The following OSTC variants were observed in gnomAD, a reference collection of about 807,000 sequenced individuals.
OSTC encodes the protein oligosaccharyltransferase complex non-catalytic subunit.
Under a neutral mutation model 16.4 loss-of-function variants are expected in OSTC, and 16 were observed. The observed-to-expected ratio is 0.98, with a 90% CI of 0.66 to 1.49. The LOEUF (loss-of-function observed/expected upper bound fraction) is 1.49, where lower values mean the gene tolerates loss of function less well. Ranked by LOEUF, OSTC falls within the 40% of genes most tolerant of loss-of-function variation. The probability of loss-of-function intolerance (pLI) is 0.00; values close to 1 mark genes in which losing one functional copy is unlikely to be tolerated. For synonymous variants in OSTC, 67 were observed against 68.5 expected (o/e 0.98, Z 0.11); for missense variants, 139 against 186.3 (o/e 0.75, Z 1.48).
At chr4:108,664,622 T>A (rs555598982) in intron 3 of OSTC, among the ~76,000 whole-genome samples, 26 of 151,112 alleles carry the variant, frequency 1.7e-4, no homozygotes, top group African/African-American at 6.3e-4. Flanking sequence ...GGGGACGGAG[T>A]CTGGCTCTGT....
In OSTC at chr4:108,667,701, A is replaced by G. The variant is rs766035213; in HGVS notation, c.*436A>G. The G allele has an allele frequency of 6.4e-6, 1 of 155,294 alleles. No homozygotes were observed. The highest frequency in any genetic ancestry group is 2.4e-5 in the African/African-American group (1 of 41,566). The allele number at this position is 155,294 out of a possible 1,614,324, so 9.6% of individuals were successfully genotyped here. On this transcript the variant is annotated 3_prime_UTR_variant, in exon 4 of 4. Transcript: ENST00000361564. ...TCTGGACAGTTGATCAGCTTTACCTATGGTGCTTTGCCTTTAACTAGAGTG... is the reference window on the plus strand; with the variant it reads ...TCTGGACAGTTGATCAGCTTTACCTGTGGTGCTTTGCCTTTAACTAGAGTG...
At chr4:108,665,287 A>AG (rs1465399310) in intron 3 of OSTC, among the ~76,000 whole-genome samples, 1 of 152,222 alleles carries the variant, frequency 6.6e-6, no homozygotes. Flanking sequence ...TTACTATATG[A>AG]GTAGATTCTC....
chr4:108,656,808 A>T (rs113334916), intron 2 of OSTC, among the ~76,000 whole-genome samples: 20 of 152,234 alleles, frequency 1.3e-4, no homozygotes, highest in Non-Finnish European at 2.4e-4. Flanking sequence ...TTTTAAAAAA[A>T]GCTAACCTAG....
At chr4:108,654,328 G>C (rs1033380643) in intron 1 of OSTC, among the ~76,000 whole-genome samples, 4 of 152,194 alleles carry the variant, frequency 2.6e-5, no homozygotes, top group Admixed American at 6.5e-5. Flanking sequence ...AGAAAGCAAA[G>C]ATAGAAATAG....
chr4:108,653,798 A>G (rs543312677), intron 1 of OSTC, among the ~76,000 whole-genome samples: 79 of 152,208 alleles, frequency 5.2e-4, no homozygotes, highest in Non-Finnish European at 4.4e-4. Flanking sequence ...CTCCCATGAG[A>G]CATTGAAGAG....
intron 3 of OSTC, among the ~76,000 whole-genome samples, chr4:108,660,046 A>G (rs1367527811): frequency 1.3e-5 from 2 of 152,194 alleles, no homozygotes; most frequent in East Asian, 3.9e-4. Flanking sequence ...AAAAGCTTTG[A>G]CAAGTGTTTA....
In OSTC at chr4:108,657,667, A is replaced by G. The variant is rs1438664757; in HGVS notation, c.431+20A>G. ...ACTGCCGTAAGTTATTTGTGTAATC[A>G]GCACCTTATGTTGCAAATTGGTAAA... On this transcript the variant is annotated intron_variant, in intron 3 of 3. Coordinates refer to ENST00000361564, the MANE Select transcript of OSTC (RefSeq NM_021227.4). 2 of 1,583,478 alleles carry G rather than the reference A, an allele frequency of 1.3e-6. No individual in the cohort carries two copies. Among genetic ancestry groups the G allele is most frequent in the Admixed American group, 1.7e-5 (1 of 59,242 alleles).
chr4:108,667,407 C>A lies in OSTC; in HGVS notation c.*142C>A. On this transcript the variant is annotated 3_prime_UTR_variant, in exon 4 of 4. Coordinates refer to ENST00000361564, the MANE Select transcript of OSTC (RefSeq NM_021227.4). ...AAATATCTAGTGAAAAAACAGGAAGCGTATTGAAGCTTGGACTAGAATTTC... is the reference window on the plus strand; with the variant it reads ...AAATATCTAGTGAAAAAACAGGAAGAGTATTGAAGCTTGGACTAGAATTTC... 8.2e-6 allele frequency: 5 copies of A among 606,648 alleles called. No individual in the cohort carries two copies. Among genetic ancestry groups the A allele is most frequent in the South Asian group, 3.5e-5 (1 of 28,984 alleles). The allele number at this position is 606,648 out of a possible 1,614,324, so 37.6% of individuals were successfully genotyped here. A position where few individuals can be genotyped will look rare whatever the true frequency, so the allele number is the denominator to read the frequency against.
intron 1 of OSTC, among the ~76,000 whole-genome samples, chr4:108,653,287 G>A (rs900502757): frequency 6.6e-6 from 1 of 152,168 alleles, no homozygotes. Context: ...AGAACAAGAG[G>A]TTTTTGAGAA....
At position 108,667,132 on chromosome 4, in the gene OSTC, G is replaced by A. The variant is rs1431215614; in HGVS notation, c.432-115G>A. ...TAAAGAATCACGCAATTATATTTTT[G>A]GATTGTTATTTGATATATCATAAAA... On this transcript the variant is annotated intron_variant, in intron 3 of 3. Transcript: ENST00000361564. The A allele has an allele frequency of 5.3e-6, 4 of 756,098 alleles. No individual in the cohort carries two copies. In the Admixed American group the frequency reaches 1.1e-4, roughly 22 times the overall value. The allele number at this position is 756,098 out of a possible 1,614,324, so 46.8% of individuals were successfully genotyped here. A position where few individuals can be genotyped will look rare whatever the true frequency, so the allele number is the denominator to read the frequency against.
intron 3 of OSTC, among the ~76,000 whole-genome samples, chr4:108,666,322 T>C (rs1158525423): frequency 6.6e-6 from 1 of 152,226 alleles, no homozygotes; most frequent in African/African-American, 2.4e-5. Context: ...TAAAATAGAT[T>C]GATTCTGACT....
chr4:108,664,414 T>G (rs1726940348), intron 3 of OSTC, among the ~76,000 whole-genome samples: 1 of 152,110 alleles, frequency 6.6e-6, no homozygotes, highest in Admixed American at 6.5e-5. Flanking sequence ...TTGGGTAACT[T>G]CTACTACAGA....
At chr4:108,651,180 C>T (rs1726531437) in intron 1 of OSTC, 1 of 193,918 alleles carries the variant, frequency 5.2e-6, no homozygotes, top group African/African-American at 2.3e-5. Flanking sequence ...GATAAAGGTC[C>T]TGGGAAGGTC....
intron 1 of OSTC, 153 bp downstream of exon 1, chr4:108,650,947 G>T: frequency 9.1e-7 from 1 of 1,100,656 alleles, no homozygotes; most frequent in East Asian, 2.6e-5. Flanking sequence ...GGTCCGAAGT[G>T]TTAACGTCCA....
intron 1 of OSTC, chr4:108,652,293 C>A (rs1324166467): frequency 2.0e-5 from 3 of 152,072 alleles, no homozygotes; most frequent in Non-Finnish European, 2.9e-5. Flanking sequence ...AAAAAAAAGT[C>A]ATTATTCAAT....
At chr4:108,655,430 C>A in intron 1 of OSTC, 134 bp from the exon 2 acceptor site, 1 of 523,092 alleles carries the variant, frequency 1.9e-6, no homozygotes, top group South Asian at 2.8e-5. Context: ...GGCGCCACTG[C>A]ACTCTCAACC....
intron 3 of OSTC, among the ~76,000 whole-genome samples, chr4:108,659,847 A>G (rs1395839057): frequency 6.6e-6 from 1 of 152,174 alleles, no homozygotes; most frequent in Admixed American, 6.5e-5. Flanking sequence ...AGAACAGAGA[A>G]AGTGTCCTGG....
chr4:108,664,158 C>T (rs563178021), intron 3 of OSTC, among the ~76,000 whole-genome samples: 1 of 149,190 alleles, frequency 6.7e-6, no homozygotes, highest in East Asian at 1.9e-4. Flanking sequence ...CCAAATTGTC[C>T]TTAAGGTAAA....
intron 3 of OSTC, 38 bp downstream of exon 3, chr4:108,657,685 T>C (rs1292040106): frequency 4.0e-6 from 6 of 1,518,636 alleles, no homozygotes; most frequent in Non-Finnish European, 5.4e-6. Flanking sequence ...ATGTTGCAAA[T>C]TGGTAAAATG....
Sources: allele counts gnomAD v4.1 joint callset (sites outside exome capture counted in the v4.1 genomes callset), GRCh38; gene constraint gnomAD v4.1.1; transcripts MANE v1.5; gene names NCBI Gene and HGNC (gene_info 2026-07-23, HGNC 2026-07-21).